DGKB: variants seen among roughly 807,000 people sequenced by gnomAD.
DGKB encodes the protein 90 kDa diacylglycerol kinase.
In DGKB, 67 loss-of-function variants were observed where a neutral mutation model predicts 114.3. The ratio of observed to expected loss-of-function variants is 0.59; its 90% CI spans 0.48 to 0.72. The LOEUF is 0.72. Ranked by LOEUF, DGKB falls within the 30% of genes least tolerant of loss-of-function variation. The pLI is 0.00. For missense variants in DGKB, 907 were observed against 975.2 expected (o/e 0.93, Z 0.93); for synonymous variants, 398 against 323.1 (o/e 1.23, Z -2.49).
chr7:14,804,584 G>C (rs1457717512), intron 2 of DGKB, among the ~76,000 whole-genome samples: 2 of 152,052 alleles, frequency 1.3e-5, no homozygotes, highest in African/African-American at 4.8e-5. Flanking sequence ...ACAATTCATG[G>C]AAATAATCTT....
intron 25 of DGKB, among the ~76,000 whole-genome samples, chr7:14,160,379 T>C (rs1335120754): frequency 6.6e-6 from 1 of 152,002 alleles, no homozygotes; most frequent in African/African-American, 2.4e-5. Context: ...GAAAACCCCA[T>C]TGTCTCAGCC....
chr7:14,661,388 G>C (rs1817038359), intron 13 of DGKB, among the ~76,000 whole-genome samples: 1 of 143,316 alleles, frequency 7.0e-6, no homozygotes, highest in Non-Finnish European at 1.5e-5. Context: ...TCAAAAAGTG[G>C]GCGAAGGACA....
At chr7:14,432,118 T>C (rs1173428761) in intron 21 of DGKB, among the ~76,000 whole-genome samples, 2 of 152,180 alleles carry the variant, frequency 1.3e-5, no homozygotes, top group Non-Finnish European at 2.9e-5. Context: ...ACAGCATCTA[T>C]ACAGAATAAA....
intron 15 of DGKB, among the ~76,000 whole-genome samples, chr7:14,620,545 G>T (rs1323214372): frequency 6.6e-6 from 1 of 151,682 alleles, no homozygotes; most frequent in Non-Finnish European, 1.5e-5. Context: ...CTGTTTGTAT[G>T]TTAAATTGTT....
chr7:14,838,226 A>G (rs1847421264), intron 2 of DGKB, among the ~76,000 whole-genome samples: 1 of 152,216 alleles, frequency 6.6e-6, no homozygotes, highest in Non-Finnish European at 1.5e-5. Flanking sequence ...GTAGCAGCCT[A>G]TAATACACTG....
At position 14,971,545 on chromosome 7, in the gene DGKB, C is replaced by A. The variant is rs558894339; in HGVS notation, c.-188+3151G>T. 5.3e-5 allele frequency among the ~76,000 whole-genome samples: 8 copies of A among 152,084 alleles called. No homozygotes were observed. The South Asian group carries it at 1.7e-3, about 32-fold the overall frequency. ...ACCTAGCCAATTTTTCATATTCTAA[C>A]GGCAAGACAGTCAATTGAATTTAAA... On this transcript the variant is annotated intron_variant, in intron 1 of 4. Coordinates refer to the DGKB transcript ENST00000437998.
At chr7:14,797,428 C>A (rs946886301) in intron 2 of DGKB, among the ~76,000 whole-genome samples, 1 of 152,138 alleles carries the variant, frequency 6.6e-6, no homozygotes. Context: ...AAATATACTT[C>A]TTTGACATAT....
At chr7:14,399,952 T>C (rs1822833124) in intron 21 of DGKB, among the ~76,000 whole-genome samples, 2 of 151,738 alleles carry the variant, frequency 1.3e-5, no homozygotes, top group Admixed American at 1.3e-4. Flanking sequence ...ATTTAGAATA[T>C]TACAAAAAAC....
intron 4 of DGKB, among the ~76,000 whole-genome samples, chr7:14,753,222 T>C (rs1834365750): frequency 6.6e-6 from 1 of 152,180 alleles, no homozygotes; most frequent in Non-Finnish European, 1.5e-5. Context: ...GGAGACAATA[T>C]TACGGTTTTA....
In DGKB at chr7:14,583,094, A is replaced by T; in HGVS notation, c.1477T>A (p.Cys493Ser). 1 of 1,613,430 alleles carries T rather than the reference A, an allele frequency of 6.2e-7. No individual in the cohort carries two copies. Among genetic ancestry groups the T allele is most frequent in the Non-Finnish European group, 8.5e-7 (1 of 1,179,606 alleles). ...CAGCCCACGGTTCCATCTCCACCACAGGCTAACACTCTGAAGTCAGGAACA... is the reference window on the plus strand; with the variant it reads ...CAGCCCACGGTTCCATCTCCACCACTGGCTAACACTCTGAAGTCAGGAACA... ...RDVPDFRVLA[C>S]GGDGTVGWVL... is the part of the protein sequence containing the mutation. The change falls in exon 18 of 26, where the codon TGT becomes AGT. Residue 493 changes from cysteine to serine, a missense_variant. By Grantham distance (112) the Cys-to-Ser change is moderately radical. Around this residue, in one of 3 missense-constraint regions of DGKB, gnomAD observed 814 missense variants for 856.6 expected, o/e 0.95. Coordinates refer to ENST00000402815, the MANE Select transcript of DGKB (RefSeq NM_001350709.2).
intron 21 of DGKB, among the ~76,000 whole-genome samples, chr7:14,403,340 C>T (rs1296846524): frequency 6.6e-6 from 1 of 151,894 alleles, no homozygotes; most frequent in Admixed American, 6.6e-5. Context: ...CTTATACAGG[C>T]ATGAGAGTAA....
At chr7:14,335,633 A>AT (rs1368514290) in intron 23 of DGKB, among the ~76,000 whole-genome samples, 1 of 152,200 alleles carries the variant, frequency 6.6e-6, no homozygotes. Flanking sequence ...CTAGAGCCAT[A>AT]TTGGCCATAT....
intron 21 of DGKB, among the ~76,000 whole-genome samples, chr7:14,346,982 G>C (rs2099281): frequency 0.53 from 80,481 of 151,476 alleles, 21,490 homozygotes; most frequent in South Asian, 0.64. Context: ...TTCCAGGATT[G>C]ATTCATTCAT....
At chr7:14,188,832 C>T (rs1454256895) in intron 23 of DGKB, among the ~76,000 whole-genome samples, 1 of 151,932 alleles carries the variant, frequency 6.6e-6, no homozygotes, top group Non-Finnish European at 1.5e-5. Flanking sequence ...ACACTATTAG[C>T]AGATTTCTCA....
At chr7:14,404,389 G>A (rs567664407) in intron 21 of DGKB, among the ~76,000 whole-genome samples, 1 of 151,612 alleles carries the variant, frequency 6.6e-6, no homozygotes, top group Non-Finnish European at 1.5e-5. Context: ...ACTCTCGTGG[G>A]AGTCAAATGC....
chr7:14,925,390 A>C (rs538526312), intron 1 of DGKB, among the ~76,000 whole-genome samples: 3 of 152,140 alleles, frequency 2.0e-5, no homozygotes, highest in Non-Finnish European at 2.9e-5. Context: ...AGATTGCCTG[A>C]TTTTTACTGA....
At chr7:14,255,718 T>C (rs1016320653) in intron 23 of DGKB, among the ~76,000 whole-genome samples, 1 of 151,400 alleles carries the variant, frequency 6.6e-6, no homozygotes, top group African/African-American at 2.4e-5. Context: ...CCTTCATCTT[T>C]ATTACACTGT....
intron 20 of DGKB, among the ~76,000 whole-genome samples, chr7:14,559,301 C>T (rs113303308): frequency 7.8e-4 from 119 of 152,280 alleles, no homozygotes; most frequent in African/African-American, 2.7e-3. Flanking sequence ...TCTCCCTATG[C>T]ACTATATCAT....
chr7:14,849,575 T>G (rs1203225838), intron 1 of DGKB, among the ~76,000 whole-genome samples: 1 of 152,140 alleles, frequency 6.6e-6, no homozygotes, highest in East Asian at 1.9e-4. Flanking sequence ...TTCTCTTTAT[T>G]ATAAATTACC....
Sources: gnomAD v4.1 joint callset for allele counts (sites outside exome capture counted in the v4.1 genomes callset) on GRCh38, gnomAD v4.1.1 for gene constraint, gnomAD v4.1.1 regional missense constraint, MANE v1.5 for transcripts, NCBI Gene and HGNC (gene_info 2026-07-23, HGNC 2026-07-21) for gene names.